The following CTNNBL1 variants were observed in gnomAD, a reference collection of about 807,000 sequenced individuals.
CTNNBL1 encodes the protein catenin beta like 1.
Under a neutral mutation model 72.7 loss-of-function variants are expected in CTNNBL1, and 31 were observed. The ratio of observed to expected loss-of-function variants is 0.43; its 90% CI spans 0.32 to 0.58. The LOEUF (loss-of-function observed/expected upper bound fraction) is 0.58, where lower values mean the gene tolerates loss of function less well. CTNNBL1 is among the 20% of genes least tolerant of loss of function. The pLI, the probability that CTNNBL1 is intolerant of heterozygous loss-of-function variation, is 0.08. For synonymous variants in CTNNBL1, 240 were observed against 267.3 expected, an observed-to-expected ratio of 0.90 and a Z score of 1.00; for missense variants, 534 against 725.1, an observed-to-expected ratio of 0.74 and a Z score of 3.03.
At chr20:37,724,304 G>T (rs1235975837) in intron 1 of CTNNBL1, among the ~76,000 whole-genome samples, 1 of 152,074 alleles carries the variant, frequency 6.6e-6, no homozygotes, top group Admixed American at 6.6e-5. Flanking sequence ...TATTGAAAGT[G>T]TTTATTCTCG....
chr20:37,795,130 T>C (rs2073761206), intron 10 of CTNNBL1, among the ~76,000 whole-genome samples: 1 of 151,570 alleles, frequency 6.6e-6, no homozygotes, highest in Non-Finnish European at 1.5e-5. Flanking sequence ...AATTTTTCAG[T>C]TATAATTTTT....
chr20:37,780,156 A>C (rs563194732), intron 10 of CTNNBL1, among the ~76,000 whole-genome samples: 1 of 152,092 alleles, frequency 6.6e-6, no homozygotes, highest in African/African-American at 2.4e-5. Context: ...AGATTTAAAA[A>C]AAAAAAAAAC....
chr20:37,787,258 A>T (rs2073683397), intron 10 of CTNNBL1, among the ~76,000 whole-genome samples: 1 of 150,266 alleles, frequency 6.7e-6, no homozygotes, highest in African/African-American at 2.5e-5. Context: ...AGTAGCTGAG[A>T]TTATAGGCAC....
chr20:37,847,296 A>C (rs1189804831), intron 13 of CTNNBL1, among the ~76,000 whole-genome samples: 1 of 152,174 alleles, frequency 6.6e-6, no homozygotes, highest in Non-Finnish European at 1.5e-5. Context: ...GTAACTAGCA[A>C]AGAGTTCCAT....
chr20:37,791,513 A>C (rs2073725271), intron 10 of CTNNBL1, among the ~76,000 whole-genome samples: 1 of 152,030 alleles, frequency 6.6e-6, no homozygotes, highest in Non-Finnish European at 1.5e-5. Context: ...TTTTTTGGTG[A>C]TATCTCTTCA....
At chr20:37,853,281 A>T (rs574638031) in intron 13 of CTNNBL1, among the ~76,000 whole-genome samples, 2 of 152,318 alleles carry the variant, frequency 1.3e-5, no homozygotes. Context: ...AAACAAGTCC[A>T]CTTATATATC....
At chr20:37,863,940 C>G (rs1483955201) in intron 15 of CTNNBL1, among the ~76,000 whole-genome samples, 1 of 152,154 alleles carries the variant, frequency 6.6e-6, no homozygotes, top group Non-Finnish European at 1.5e-5. Flanking sequence ...CTGGTGTGCC[C>G]CTGTCCTGCC....
intron 13 of CTNNBL1, among the ~76,000 whole-genome samples, chr20:37,846,513 T>C (rs2072348529): frequency 1.3e-5 from 2 of 152,182 alleles, no homozygotes; most frequent in South Asian, 4.1e-4. Context: ...AGGGATATGG[T>C]GTCGGTGAAT....
intron 1 of CTNNBL1, among the ~76,000 whole-genome samples, chr20:37,721,232 T>C (rs905499658): frequency 1.3e-5 from 2 of 152,194 alleles, no homozygotes; most frequent in Admixed American, 1.3e-4. Context: ...CCCCTGTTGG[T>C]AGTGTCTCTT....
intron 10 of CTNNBL1, among the ~76,000 whole-genome samples, chr20:37,783,513 C>T (rs1221095631): frequency 6.6e-6 from 1 of 151,970 alleles, no homozygotes; most frequent in Non-Finnish European, 1.5e-5. Context: ...ATGAACTTTC[C>T]TCTTAATACT....
chr20:37,802,279 T>TA (rs1207008825), intron 10 of CTNNBL1, among the ~76,000 whole-genome samples: 7 of 152,232 alleles, frequency 4.6e-5, no homozygotes, highest in African/African-American at 1.4e-4. Flanking sequence ...GGTATCTACT[T>TA]ACATGAAATG....
At chr20:37,775,564 A>G (rs2073566567) in intron 7 of CTNNBL1, among the ~76,000 whole-genome samples, 1 of 152,244 alleles carries the variant, frequency 6.6e-6, no homozygotes, top group Non-Finnish European at 1.5e-5. Context: ...GTCTAATGCC[A>G]GATCTGTGTT....
chr20:37,804,533 A>C (rs2071935677), intron 11 of CTNNBL1, among the ~76,000 whole-genome samples: 1 of 152,174 alleles, frequency 6.6e-6, no homozygotes, highest in South Asian at 2.1e-4. Flanking sequence ...CTGGTCTGTA[A>C]GATGAGGGAA....
At chr20:37,799,091 G>C (rs2122729165) in intron 10 of CTNNBL1, among the ~76,000 whole-genome samples, 1 of 152,168 alleles carries the variant, frequency 6.6e-6, no homozygotes, top group South Asian at 2.1e-4. Flanking sequence ...CTCTCAAATA[G>C]GCCTTTTTCA....
chr20:37,741,202 C>T (rs1358782943), intron 3 of CTNNBL1, among the ~76,000 whole-genome samples: 1 of 152,204 alleles, frequency 6.6e-6, no homozygotes, highest in Non-Finnish European at 1.5e-5. Context: ...TTTATCCTTT[C>T]CCCCAGCTGT....
chr20:37,779,072 T>G (rs780888260), intron 9 of CTNNBL1, 115 bp from the exon 10 acceptor site: 2 of 965,722 alleles, frequency 2.1e-6, no homozygotes, highest in Non-Finnish European at 3.2e-6. Context: ...TTTGGTGAGC[T>G]TCTGTTTCCT....
In CTNNBL1 at chr20:37,694,122, C is replaced by T; in HGVS notation, c.-1C>T. Reference sequence around the variant, plus strand: ...GTGGAGTATTTGCTGGGCCGGGTACCATGGACGTGGGCGAACTTCTGAGCT... The same window carrying T: ...GTGGAGTATTTGCTGGGCCGGGTACTATGGACGTGGGCGAACTTCTGAGCT... On this transcript the variant is annotated 5_prime_UTR_variant, in exon 1 of 16. Coordinates refer to ENST00000361383, the MANE Select transcript of CTNNBL1 (RefSeq NM_030877.5). 1.2e-6 allele frequency: 2 copies of T among 1,603,520 alleles called. No individual in the cohort carries two copies. Among genetic ancestry groups the T allele is most frequent in the Non-Finnish European group, 1.7e-6 (2 of 1,175,650 alleles).
At chr20:37,781,386 A>G (rs892108738) in intron 10 of CTNNBL1, among the ~76,000 whole-genome samples, 1 of 152,182 alleles carries the variant, frequency 6.6e-6, no homozygotes, top group South Asian at 2.1e-4. Context: ...TAGGTATTGC[A>G]TAGCAGAGGG....
chr20:37,847,749 T>C (rs568446795), intron 13 of CTNNBL1: 15 of 152,746 alleles, frequency 9.8e-5, no homozygotes, highest in Admixed American at 5.9e-4. Context: ...GGGAAAATTA[T>C]ACTCAGCAGG....
Sources: gnomAD v4.1 joint callset for allele counts (sites outside exome capture counted in the v4.1 genomes callset) on GRCh38, gnomAD v4.1.1 for gene constraint, MANE v1.5 for transcripts, NCBI Gene and HGNC (gene_info 2026-07-23, HGNC 2026-07-21) for gene names.